AGAP1: variants seen among roughly 807,000 people sequenced by gnomAD.
The protein encoded by AGAP1 is arf-GAP with GTPase, ANK repeat and PH domain-containing protein 1.
In AGAP1, 29 loss-of-function variants were observed where a neutral mutation model predicts 105.3. The ratio of observed to expected loss-of-function variants is 0.28; its 90% confidence interval spans 0.21 to 0.38. The LOEUF is 0.38. AGAP1 is among the 10% of genes least tolerant of loss of function. AGAP1 has a pLI of 1.00. For missense variants in AGAP1, 998 were observed against 1,165.1 expected, an observed-to-expected ratio of 0.86 and a Z score of 2.09; for synonymous variants, 509 against 485.9, an observed-to-expected ratio of 1.05 and a Z score of -0.63.
chr2:235,863,108 C>T (rs2049001697), intron 9 of AGAP1, among the ~76,000 whole-genome samples: 1 of 152,204 alleles, frequency 6.6e-6, no homozygotes, highest in South Asian at 2.1e-4. Flanking sequence ...ATTCATTCAT[C>T]AAATACTTTT....
intron 1 of AGAP1, chr2:235,671,075 G>C: frequency 7.9e-7 from 1 of 1,261,444 alleles, no homozygotes; most frequent in East Asian, 3.1e-5. Flanking sequence ...GCGTGGCCGG[G>C]GGTCCCGGGA....
intron 11 of AGAP1, among the ~76,000 whole-genome samples, chr2:235,924,300 C>T (rs540924093): frequency 1.3e-5 from 2 of 152,278 alleles, no homozygotes; most frequent in South Asian, 4.1e-4. Flanking sequence ...TACCTTCCAG[C>T]AGCGGTGGGC....
chr2:236,110,004 G>A (rs537295690), intron 16 of AGAP1, among the ~76,000 whole-genome samples: 3 of 152,314 alleles, frequency 2.0e-5, no homozygotes, highest in East Asian at 1.9e-4. Flanking sequence ...GTACAGATGG[G>A]AAGATGTTTC....
chr2:235,965,914 G>A lies in AGAP1; in HGVS notation c.1484-2548G>A, dbSNP rs987729794. Among the ~76,000 whole-genome samples, 1 of 152,184 alleles carries A rather than the reference G, an allele frequency of 6.6e-6. No homozygotes were observed. The highest frequency in any genetic ancestry group is 1.5e-5 in the Non-Finnish European group (1 of 68,036). ...TGAAAGATGGGACCAGGACAAGCTA[G>A]GAATGTTCATTTAGCAAGAGAGGGG... On this transcript the variant is annotated intron_variant, in intron 12 of 17. Transcript: ENST00000304032. The surrounding 1 kb of genome is among the most constrained non-coding windows in gnomAD (Gnocchi z 5.8).
At chr2:235,806,779 C>T (rs1169242803) in intron 8 of AGAP1, among the ~76,000 whole-genome samples, 3 of 152,282 alleles carry the variant, frequency 2.0e-5, no homozygotes, top group East Asian at 3.9e-4. Context: ...CAAGAGTGTG[C>T]CGTTAAATCG....
chr2:235,563,476 G>T (rs1324768716), intron 1 of AGAP1, among the ~76,000 whole-genome samples: 3 of 151,952 alleles, frequency 2.0e-5, no homozygotes, highest in Non-Finnish European at 4.4e-5. Flanking sequence ...TCCTTCTGTG[G>T]AGGAAAGTAA....
chr2:235,802,117 G>T lies in AGAP1; in HGVS notation c.957+2595G>T, dbSNP rs73126447. Among the ~76,000 whole-genome samples the T allele has an allele frequency of 2.9e-3, 448 of 152,214 alleles. 2 individuals are homozygous for T. The highest frequency in any genetic ancestry group is 9.5e-3 in the African/African-American group (396 of 41,540). Reference sequence around the variant, plus strand: ...CTGCTCTGTGCACAGCCCTGGTTTTGCTCAGTGTCTAGGAGGAAGACTCAC... The same window carrying T: ...CTGCTCTGTGCACAGCCCTGGTTTTTCTCAGTGTCTAGGAGGAAGACTCAC... On this transcript the variant is annotated intron_variant, in intron 8 of 17. Coordinates refer to ENST00000304032, the MANE Select transcript of AGAP1 (RefSeq NM_001037131.3).
intron 16 of AGAP1, among the ~76,000 whole-genome samples, chr2:236,088,948 G>A (rs910866566): frequency 1.6e-4 from 25 of 152,242 alleles, no homozygotes; most frequent in African/African-American, 6.0e-4. Flanking sequence ...AAAGACACAC[G>A]GGGCTGAAAT....
Position 235,721,477 on chromosome 2 carries a change from ATGTGTGTG to A in AGAP1, c.310+3853_310+3860del, listed in dbSNP as rs57069910. Among the ~76,000 whole-genome samples, 390 of 149,730 alleles carry A rather than the reference ATGTGTGTG, an allele frequency of 2.6e-3. 1 individual carries two copies. The highest frequency in any genetic ancestry group is 9.0e-3 in the African/African-American group (366 of 40,758). On this transcript the variant is annotated intron_variant, in intron 3 of 17. Coordinates refer to ENST00000304032, the MANE Select transcript of AGAP1 (RefSeq NM_001037131.3). The surrounding 1 kb of genome is among the most constrained non-coding windows in gnomAD (Gnocchi z 4.5). ...TTGGATTGACAGATTCCTTAATATT[ATGTGTGTG>A]TGTGTGTGTGTGTGTGTGTACACCT...
In AGAP1 at chr2:236,125,808, A is replaced by G. The variant is rs1159783972; in HGVS notation, c.*1686A>G. The G allele has an allele frequency of 6.6e-6, 1 of 152,186 alleles. No homozygotes were observed. The highest frequency in any genetic ancestry group is 2.4e-5 in the African/African-American group (1 of 41,426). 9.4% of individuals were successfully genotyped at this position (152,186 alleles called of 1,614,324 possible). Reference sequence around the variant, plus strand: ...CAGTGGTGGTAGTCAAATGTAGTCAACCAAACCACAGCATCCCTTAGGTTA... The same window carrying G: ...CAGTGGTGGTAGTCAAATGTAGTCAGCCAAACCACAGCATCCCTTAGGTTA... On this transcript the variant is annotated 3_prime_UTR_variant, in exon 18 of 18. Coordinates refer to ENST00000304032, the MANE Select transcript of AGAP1 (RefSeq NM_001037131.3). This position sits in a 1 kb window ranked among gnomAD's most constrained non-coding sequence, Gnocchi z 5.2.
At position 236,078,397 on chromosome 2, in the gene AGAP1, C is replaced by G. The variant is rs1269433603; in HGVS notation, c.2114+29116C>G. On this transcript the variant is annotated intron_variant, in intron 16 of 17. Coordinates refer to ENST00000304032, the MANE Select transcript of AGAP1 (RefSeq NM_001037131.3). This position sits in a 1 kb window ranked among gnomAD's most constrained non-coding sequence, Gnocchi z 5.3. ...GACTATAAGTGACATCTACAAAAGG[C>G]CTTCACAGCAATGCATAGGTTGTGT... Among the ~76,000 whole-genome samples, 1 of 152,112 alleles carries G rather than the reference C, an allele frequency of 6.6e-6. No individual in the cohort carries two copies. The highest frequency in any genetic ancestry group is 2.4e-5 in the African/African-American group (1 of 41,414).
rs1359925047 is a variant in AGAP1 at position 235,876,272 on chromosome 2, A to G, written c.1051-7073A>G. Reference sequence around the variant, plus strand: ...ATAATTTATTTTTAAAGGAGAATGAACTAGTCAACCTATTAAATGATTACG... The same window carrying G: ...ATAATTTATTTTTAAAGGAGAATGAGCTAGTCAACCTATTAAATGATTACG... On this transcript the variant is annotated intron_variant, in intron 9 of 17. Coordinates refer to ENST00000304032, the MANE Select transcript of AGAP1 (RefSeq NM_001037131.3). Among the ~76,000 whole-genome samples, 3 of 152,232 alleles carry G rather than the reference A, an allele frequency of 2.0e-5. No individual in the cohort carries two copies. The East Asian group carries it at 5.8e-4, about 29-fold the overall frequency.
intron 13 of AGAP1, among the ~76,000 whole-genome samples, chr2:236,013,746 T>A (rs1379759532): frequency 6.6e-6 from 1 of 152,216 alleles, no homozygotes; most frequent in African/African-American, 2.4e-5. Flanking sequence ...TGACCGCCAC[T>A]AAACATTCCA....
chr2:235,573,057 C>CTTCT (rs1303589283), intron 1 of AGAP1, among the ~76,000 whole-genome samples: 1 of 66,678 alleles, frequency 1.5e-5, no homozygotes, highest in Admixed American at 2.1e-4. Flanking sequence ...TCTTCTTCTT[C>CTTCT]TTCTTTCTTC....
chr2:235,972,028 C>T (rs1335285768), intron 13 of AGAP1, among the ~76,000 whole-genome samples: 2 of 152,124 alleles, frequency 1.3e-5, no homozygotes, highest in South Asian at 2.1e-4. Context: ...ATCCTCCCAC[C>T]TCAGCCTCCC....
intron 1 of AGAP1, among the ~76,000 whole-genome samples, chr2:235,567,761 T>C (rs1331519539): frequency 6.6e-6 from 1 of 150,636 alleles, no homozygotes; most frequent in Non-Finnish European, 1.5e-5. Flanking sequence ...AGGGTGGGAA[T>C]TGTCCACTGT....
rs1220874956 is a variant in AGAP1, at chr2:236,078,941, TG to T, written c.2114+29663del. 6.6e-6 allele frequency among the ~76,000 whole-genome samples: 1 copy of T among 152,192 alleles called. No homozygotes were observed. Among genetic ancestry groups the T allele is most frequent in the African/African-American group, 2.4e-5 (1 of 41,462 alleles). On this transcript the variant is annotated intron_variant, in intron 16 of 17. Coordinates refer to ENST00000304032, the MANE Select transcript of AGAP1 (RefSeq NM_001037131.3). The surrounding 1 kb of genome is among the most constrained non-coding windows in gnomAD (Gnocchi z 5.3). ...GGTCCAGCCTCACACAGTGACCCAG[TG>T]GGCTTGAACAGTGAGGTTCCAGTCC...
intron 1 of AGAP1, among the ~76,000 whole-genome samples, chr2:235,634,467 G>A (rs560083874): frequency 6.6e-6 from 1 of 152,316 alleles, no homozygotes; most frequent in Admixed American, 6.5e-5. Context: ...GTGGGAGCTG[G>A]AGCTTAGAAG....
chr2:236,077,300 T>C (rs2058666289), intron 16 of AGAP1, among the ~76,000 whole-genome samples: 1 of 151,482 alleles, frequency 6.6e-6, no homozygotes, highest in South Asian at 2.1e-4. Flanking sequence ...CATGAACATC[T>C]TCTCATGTCC....
Sources: gnomAD v4.1 joint callset for allele counts (sites outside exome capture counted in the v4.1 genomes callset) on GRCh38, gnomAD v4.1.1 for gene constraint, Gnocchi (gnomAD v3.1) non-coding constraint, MANE v1.5 for transcripts, NCBI Gene and HGNC (gene_info 2026-07-23, HGNC 2026-07-21) for gene names.